HSH2D: variants seen among roughly 807,000 people sequenced by gnomAD.
HSH2D encodes hematopoietic SH2 domain containing, also known as hematopoietic SH2 domain-containing protein.
In HSH2D, 16 loss-of-function variants were observed where a neutral mutation model predicts 21.5. That is an observed-to-expected ratio of 0.74 (90% CI 0.50 to 1.13). The LOEUF is 1.13. HSH2D is among the 50% of genes most tolerant of loss of function. The pLI, the probability that HSH2D is intolerant of heterozygous loss-of-function variation, is 0.00. For missense variants in HSH2D, 418 were observed against 441.4 expected (o/e 0.95, Z 0.47); for synonymous variants, 172 against 184.7 (o/e 0.93, Z 0.56).
chr19:16,156,680 T>A (rs188498219), intron 5 of HSH2D, among the ~76,000 whole-genome samples: 1 of 152,168 alleles, frequency 6.6e-6, no homozygotes, highest in Non-Finnish European at 1.5e-5. Flanking sequence ...ATTTACTCTC[T>A]GACTCTTTGT....
At chr19:16,152,075 C>T (rs1293905213) in intron 2 of HSH2D, among the ~76,000 whole-genome samples, 2 of 134,188 alleles carry the variant, frequency 1.5e-5, no homozygotes, top group Non-Finnish European at 3.1e-5. Flanking sequence ...CCATTGCACT[C>T]AGCCTGGGAG....
At chr19:16,155,486 G>C (rs2091225095) in intron 5 of HSH2D, among the ~76,000 whole-genome samples, 2 of 152,120 alleles carry the variant, frequency 1.3e-5, no homozygotes, top group Admixed American at 1.3e-4. Flanking sequence ...TAGTGAGAGA[G>C]AGATTGTCAG....
chr19:16,138,022 C>A (rs942988374), intron 1 of HSH2D, among the ~76,000 whole-genome samples: 1 of 152,136 alleles, frequency 6.6e-6, no homozygotes, highest in African/African-American at 2.4e-5. Context: ...GTCCCGCCAC[C>A]ACGCCTGGCT....
upstream of HSH2D, among the ~76,000 whole-genome samples, chr19:16,143,374 G>T (rs914674821): frequency 6.6e-6 from 1 of 152,138 alleles, no homozygotes; most frequent in Non-Finnish European, 1.5e-5. Context: ...GTGAGCCACC[G>T]CACCCGTTCC....
At chr19:16,142,916 G>GGGT (rs1239782653), upstream of HSH2D, among the ~76,000 whole-genome samples, 1 of 151,838 alleles carries the variant, frequency 6.6e-6, no homozygotes, top group East Asian at 1.9e-4. Context: ...GGGATTACAG[G>GGGT]CACCCGCCAC....
chr19:16,148,878 G>A lies in HSH2D; in HGVS notation c.125+3G>A, dbSNP rs768361105. The A allele has an allele frequency of 1.2e-6, 2 of 1,610,726 alleles. No homozygotes were observed. Among genetic ancestry groups the A allele is most frequent in the South Asian group, 2.2e-5 (2 of 90,748 alleles). On this transcript the variant is annotated splice_donor_region_variant and intron_variant, in intron 2 of 5. Transcript: ENST00000613986. ...TTCCATGGTGCAATCTCAAGAGAGT[G>A]AGGACACACCCACACCCTCCACCCT...
At chr19:16,145,070 G>C (rs545342368) in intron 1 of HSH2D, among the ~76,000 whole-genome samples, 10 of 130,906 alleles carry the variant, frequency 7.6e-5, no homozygotes, top group African/African-American at 2.4e-4. Flanking sequence ...ACAGAGTTTC[G>C]CTCTGTTGCT....
At chr19:16,139,869 C>T (rs1321601170), upstream of HSH2D, 1 of 152,200 alleles carries the variant, frequency 6.6e-6, no homozygotes, top group Admixed American at 6.6e-5. Context: ...ACCCTTCCTT[C>T]CTCTGGGGGA....
At chr19:16,149,049 G>A (rs2091111688) in intron 2 of HSH2D, among the ~76,000 whole-genome samples, 174 bp downstream of exon 2, 1 of 152,178 alleles carries the variant, frequency 6.6e-6, no homozygotes, top group Admixed American at 6.5e-5. Flanking sequence ...TGGGCTCACT[G>A]TGTGACCTGG....
chr19:16,147,130 ATACTC>A (rs757357222), intron 1 of HSH2D, among the ~76,000 whole-genome samples: 4 of 152,050 alleles, frequency 2.6e-5, no homozygotes, highest in Non-Finnish European at 4.4e-5. Flanking sequence ...CCAGCTCTAA[ATACTC>A]TATTCTTAAA....
chr19:16,145,276 G>C (rs928568333), intron 1 of HSH2D, among the ~76,000 whole-genome samples: 1 of 151,768 alleles, frequency 6.6e-6, no homozygotes, highest in East Asian at 1.9e-4. Flanking sequence ...GCAGTGGCTC[G>C]ATCTCAGCTC....
Position 16,157,232 on chromosome 19 carries a change from GT to G in HSH2D, c.498del (p.His167ThrfsTer12), listed in dbSNP as rs1433956487. ...PEEASPKPVL[C>X]HQSKERKPSA... is the part of the protein sequence containing the mutation. ...CAGGCCTCCCCAAAGCCAGTCCTGT[GT>G]CACCAATCAAAGGAAAGGAAGCCGT... On this transcript the variant is annotated frameshift_variant, in exon 6 of 6. Transcript: ENST00000613986. LOFTEE classifies it low-confidence loss of function (END_TRUNC). This position sits in a 1 kb window ranked among gnomAD's most constrained non-coding sequence, Gnocchi z 4.4. 2 of 1,560,406 alleles carry G rather than the reference GT, an allele frequency of 1.3e-6. No homozygotes were observed. The highest frequency in any genetic ancestry group is 2.8e-5 in the African/African-American group (2 of 72,598).
chr19:16,144,109 C>A (rs550420173), intron 1 of HSH2D, among the ~76,000 whole-genome samples: 1 of 151,926 alleles, frequency 6.6e-6, no homozygotes, highest in Non-Finnish European at 1.5e-5. Flanking sequence ...TTTGAGCATG[C>A]GGTCTTTCAT....
chr19:16,155,479 T>C (rs1320776540), intron 5 of HSH2D, among the ~76,000 whole-genome samples: 3 of 151,834 alleles, frequency 2.0e-5, no homozygotes, highest in Non-Finnish European at 4.4e-5. Context: ...TTGGGGTTAG[T>C]GAGAGAGAGA....
upstream of HSH2D, among the ~76,000 whole-genome samples, chr19:16,142,281 T>C (rs1471210153): frequency 1.3e-5 from 2 of 152,120 alleles, no homozygotes; most frequent in African/African-American, 4.8e-5. Context: ...ATATACTCTT[T>C]CTGCACTACG....
At chr19:16,136,629 C>T (rs1050077080) in intron 1 of HSH2D, among the ~76,000 whole-genome samples, 2 of 152,158 alleles carry the variant, frequency 1.3e-5, no homozygotes, top group African/African-American at 4.8e-5. Flanking sequence ...GCAGCTGCGT[C>T]AATAGAAAAC....
upstream of HSH2D, among the ~76,000 whole-genome samples, chr19:16,140,879 G>A (rs1692999582): frequency 6.6e-6 from 1 of 151,684 alleles, no homozygotes; most frequent in Admixed American, 6.6e-5. Context: ...AGAGTGAGGG[G>A]ACCCTACTCA....
rs142032443 is a variant in HSH2D, at chr19:16,157,538, C to T, written c.803C>T (p.Pro268Leu). Reference sequence around the variant, plus strand: ...TCGGGGGACAGAGGCTACACGGATCCCTGTGTGGCCACATCTCTCAAAAGC... The same window carrying T: ...TCGGGGGACAGAGGCTACACGGATCTCTGTGTGGCCACATCTCTCAAAAGC... ...PTSGDRGYTD[P>L]CVATSLKSPS... Residue 268 changes from proline (P) to leucine (L), a missense_variant, in exon 6 of 6, where the codon CCC becomes CTC. By Grantham distance (98) the Pro-to-Leu change is moderately conservative. Transcript: ENST00000613986. This position sits in a 1 kb window ranked among gnomAD's most constrained non-coding sequence, Gnocchi z 4.4. 1.3e-3 allele frequency: 2,135 copies of T among 1,613,828 alleles called. 2 individuals carry two copies. Among genetic ancestry groups the T allele is most frequent in the Non-Finnish European group, 1.7e-3 (2,033 of 1,179,802 alleles).
At chr19:16,153,806 G>A (rs2091198843) in intron 4 of HSH2D, among the ~76,000 whole-genome samples, 1 of 149,772 alleles carries the variant, frequency 6.7e-6, no homozygotes, top group African/African-American at 2.5e-5. Flanking sequence ...CTAAGAAACT[G>A]CTGAGGGGGG....
Sources: allele counts gnomAD v4.1 joint callset (sites outside exome capture counted in the v4.1 genomes callset), GRCh38; gene constraint gnomAD v4.1.1; non-coding constraint Gnocchi (gnomAD v3.1); transcripts MANE v1.5; gene names NCBI Gene and HGNC (gene_info 2026-07-23, HGNC 2026-07-21).